Variants in NEU3 observed in about 807,000 individuals in gnomAD.
NEU3 encodes the protein neuraminidase 3.
NEU3 carries 10 observed loss-of-function variants against 11.4 expected under a neutral mutation model. That is an observed-to-expected ratio of 0.88 (90% CI 0.54 to 1.49). NEU3 has a LOEUF of 1.49. Among genes scored for constraint, NEU3 ranks in the 40% most tolerant of loss-of-function variants. The probability of loss-of-function intolerance (pLI) is 0.00; values close to 1 mark genes in which losing one functional copy is unlikely to be tolerated. For missense variants in NEU3, 529 were observed against 581.8 expected (o/e 0.91, Z 0.93); for synonymous variants, 212 against 228.2 (o/e 0.93, Z 0.64).
At chr11:74,990,039 A>G in intron 1 of NEU3, 1 of 702,354 alleles carries the variant, frequency 1.4e-6, no homozygotes, top group South Asian at 1.5e-5. Flanking sequence ...CAACACGATC[A>G]GCATAATTAC....
intron 1 of NEU3, 88 bp from the exon 2 acceptor site, chr11:74,994,421 T>C (rs942729602): frequency 1.0e-6 from 1 of 1,000,664 alleles, no homozygotes; most frequent in Admixed American, 2.4e-5. Flanking sequence ...CCACCTTTGC[T>C]CTCCAGAAGT....
Position 75,007,779 on chromosome 11 carries a change from C to G in NEU3, c.*1287C>G, listed in dbSNP as rs887971416. ...TTGTTCCTATCTTAGATTGTTTCTC[C>G]CATAGCCTGTTATTGCAACAGAAAT... On this transcript the variant is annotated 3_prime_UTR_variant, in exon 3 of 3. Coordinates refer to ENST00000294064, the MANE Select transcript of NEU3 (RefSeq NM_006656.6). 8 of 152,080 alleles carry G rather than the reference C, an allele frequency of 5.3e-5. No individual in the cohort carries two copies. Among genetic ancestry groups the G allele is most frequent in the African/African-American group, 1.9e-4 (8 of 41,398 alleles). 9.4% of individuals were successfully genotyped at this position (152,080 alleles called of 1,614,324 possible). A position where few individuals can be genotyped will look rare whatever the true frequency, so the allele number is the denominator to read the frequency against.
intron 2 of NEU3, 34 bp from the exon 3 acceptor site, chr11:75,005,379 T>C: frequency 6.6e-7 from 1 of 1,522,524 alleles, no homozygotes; most frequent in Non-Finnish European, 8.8e-7. Flanking sequence ...CCTATTAGTA[T>C]CTCACTCCTA....
chr11:75,006,029 C>T lies in NEU3; in HGVS notation c.923C>T (p.Pro308Leu), dbSNP rs1202898408. The T allele has an allele frequency of 6.2e-7, 1 of 1,613,984 alleles. No individual in the cohort carries two copies. The highest frequency in any genetic ancestry group is 1.1e-5 in the South Asian group (1 of 91,086). ...RLALSRQLCE[P>L]PHGCQGSVVS... is the part of the protein sequence containing the mutation. ...GCCCTGAGTCGACAGCTCTGTGAGCCCCCACATGGTTGCCAAGGGAGTGTG... is the reference window on the plus strand; with the variant it reads ...GCCCTGAGTCGACAGCTCTGTGAGCTCCCACATGGTTGCCAAGGGAGTGTG... The change falls in exon 3 of 3, where the codon CCC (proline) becomes CTC (leucine). Residue 308 changes from proline (P) to leucine (L), a missense_variant. By Grantham distance (98) the Pro-to-Leu change is moderately conservative. Transcript: ENST00000294064.
intron 3 of NEU3, among the ~76,000 whole-genome samples, chr11:75,016,552 C>T (rs1209605589): frequency 2.0e-5 from 3 of 152,184 alleles, no homozygotes; most frequent in African/African-American, 7.2e-5. Context: ...TGTTTGTTTA[C>T]CATATTATTC....
chr11:74,984,732 C>T (rs1045268275), upstream of NEU3, among the ~76,000 whole-genome samples: 4 of 152,160 alleles, frequency 2.6e-5, no homozygotes, highest in African/African-American at 9.7e-5. Flanking sequence ...GGGTGCCAGG[C>T]CTGATCCCCT....
chr11:74,983,652 G>T (rs779374246), upstream of NEU3, among the ~76,000 whole-genome samples: 1 of 152,198 alleles, frequency 6.6e-6, no homozygotes, highest in Non-Finnish European at 1.5e-5. Flanking sequence ...ATGTTGATAA[G>T]GAATTTGTTC....
At chr11:74,997,552 C>G (rs1290342479) in intron 2 of NEU3, among the ~76,000 whole-genome samples, 2 of 152,110 alleles carry the variant, frequency 1.3e-5, no homozygotes, top group Middle Eastern at 3.4e-3. Context: ...TAATTTCCTT[C>G]AAGAACTTTT....
chr11:74,981,307 G>C, the NEU3 span, among the ~76,000 whole-genome samples: 1 of 152,190 alleles, frequency 6.6e-6, no homozygotes. Flanking sequence ...ACTGGAGAAA[G>C]AGAAACTTGG....
chr11:75,006,440 AG>A lies in NEU3; in HGVS notation c.1339del (p.Asp447ThrfsTer24), dbSNP rs750544672. 6.2e-7 allele frequency: 1 copy of A among 1,613,888 alleles called. No individual in the cohort carries two copies. Among genetic ancestry groups the A allele is most frequent in the South Asian group, 1.1e-5 (1 of 91,080 alleles). ...FTHREILSHL[Q>X]GDCTSPGRNP... ...CACCGGGAGATCCTGAGTCACCTGC[AG>A]GGGGACTGCACCAGCCCTGGTAGGA... is the stretch of plus-strand genomic sequence containing the variant. On this transcript the variant is annotated frameshift_variant, in exon 3 of 3. Transcript: ENST00000294064. LOFTEE classifies it low-confidence loss of function (END_TRUNC).
chr11:75,002,754 C>T (rs1280310621), intron 2 of NEU3, among the ~76,000 whole-genome samples: 3 of 152,338 alleles, frequency 2.0e-5, no homozygotes, highest in Non-Finnish European at 2.9e-5. Context: ...GCCCCACCCT[C>T]CTTCCCAAAG....
intron 2 of NEU3, among the ~76,000 whole-genome samples, chr11:75,002,435 A>G (rs1948855405): frequency 6.6e-6 from 1 of 152,224 alleles, no homozygotes; most frequent in Admixed American, 6.5e-5. Context: ...AAAAAGATAT[A>G]TATCTCATTT....
At chr11:74,996,389 A>T (rs1383216998) in intron 2 of NEU3, among the ~76,000 whole-genome samples, 1 of 152,202 alleles carries the variant, frequency 6.6e-6, no homozygotes, top group Non-Finnish European at 1.5e-5. Flanking sequence ...CCAGAAGTAG[A>T]TCCCATCTCA....
Position 75,005,957 on chromosome 11 carries a change from G to C in NEU3, c.851G>C (p.Arg284Pro). 6.2e-7 allele frequency: 1 copy of C among 1,613,772 alleles called. No individual in the cohort carries two copies. Among genetic ancestry groups the C allele is most frequent in the Non-Finnish European group, 8.5e-7 (1 of 1,179,864 alleles). ...AGTGCCCGGACACCAAACAGGTGCCGGGCAGAGGCGCTCAGCACTGACCAT... is the reference window on the plus strand; with the variant it reads ...AGTGCCCGGACACCAAACAGGTGCCCGGCAGAGGCGCTCAGCACTGACCAT... Reference protein sequence around the residue: ...YCSARTPNRCRAEALSTDHGE... With the variant: ...YCSARTPNRCPAEALSTDHGE... The change falls in exon 3 of 3, where the codon CGG becomes CCG. Residue 284 changes from arginine to proline, a missense_variant. By Grantham distance (103) the Arg-to-Pro change is moderately radical. Transcript: ENST00000294064.
chr11:75,017,524 C>T (rs1052030768), intron 3 of NEU3, among the ~76,000 whole-genome samples: 1 of 152,170 alleles, frequency 6.6e-6, no homozygotes, highest in Non-Finnish European at 1.5e-5. Flanking sequence ...TCAGAAGGGG[C>T]ACCTTTTCTA....
chr11:75,006,573 CA>C lies in NEU3; in HGVS notation c.*87del. On this transcript the variant is annotated 3_prime_UTR_variant, in exon 3 of 3. Transcript: ENST00000294064. ...GAAGCTACTGAAGTCTACAGATAAT[CA>C]AAAAACTTAATATTCTGTTCCCTAC... 1 of 1,452,574 alleles carries C rather than the reference CA, an allele frequency of 6.9e-7. No homozygotes were observed. The highest frequency in any genetic ancestry group is 9.2e-7 in the Non-Finnish European group (1 of 1,088,382). The allele number at this position is 1,452,574 out of a possible 1,614,324, so 90.0% of individuals were successfully genotyped here. A position where few individuals can be genotyped will look rare whatever the true frequency, so the allele number is the denominator to read the frequency against.
rs199660611 is a variant in NEU3, at chr11:75,005,472, C to G, written c.366C>G (p.Pro122=). The change falls in exon 3 of 3, where the codon CCC becomes CCG. Residue 122 remains proline (P), a synonymous_variant. Transcript: ENST00000294064. ...TACCGGGGCATCGGACCATGAACCC[C>G]TGTCCTGTATGGGAGCAGAAGAGTG... The part of the protein sequence containing the change: ...ATLPGHRTMN[P]CPVWEQKSGC... 3,161 of 1,613,984 alleles carry G rather than the reference C, an allele frequency of 2.0e-3. 5 individuals carry two copies. The highest frequency in any genetic ancestry group is 2.5e-3 in the Non-Finnish European group (2,970 of 1,179,880).
At chr11:74,981,560 G>T in the NEU3 span, among the ~76,000 whole-genome samples, 3 of 152,260 alleles carry the variant, frequency 2.0e-5, no homozygotes, top group African/African-American at 7.2e-5. Context: ...GGGGGTGTAG[G>T]CCATGGGCAG....
rs1428097085 is a variant in NEU3, at chr11:75,009,804, A to G, written c.*3312A>G. The G allele has an allele frequency of 6.6e-6, 1 of 152,118 alleles. No homozygotes were observed. Among genetic ancestry groups the G allele is most frequent in the Non-Finnish European group, 1.5e-5 (1 of 68,050 alleles). The allele number at this position is 152,118 out of a possible 1,614,324, so 9.4% of individuals were successfully genotyped here. ...TACTGGCTGGGTTCATGTTCTTACT[A>G]TTCACCTCAGGCCATTGTCTGGGTG... On this transcript the variant is annotated 3_prime_UTR_variant, in exon 3 of 3. Coordinates refer to ENST00000294064, the MANE Select transcript of NEU3 (RefSeq NM_006656.6).
Sources: allele counts gnomAD v4.1 joint callset (sites outside exome capture counted in the v4.1 genomes callset), GRCh38; gene constraint gnomAD v4.1.1; transcripts MANE v1.5; gene names NCBI Gene and HGNC (gene_info 2026-07-23, HGNC 2026-07-21).